Variants in CC2D2A observed in about 807,000 individuals in gnomAD.
The protein encoded by CC2D2A is coiled-coil and C2 domain containing 2A.
Under a neutral mutation model 212.9 loss-of-function variants are expected in CC2D2A, and 155 were observed. The ratio of observed to expected loss-of-function variants is 0.73; its 90% CI spans 0.64 to 0.83. The LOEUF is 0.83. CC2D2A is among the 40% of genes least tolerant of loss of function. The pLI, the probability that CC2D2A is intolerant of heterozygous loss-of-function variation, is 0.00. For missense variants in CC2D2A, 1,856 were observed against 1,956.2 expected (o/e 0.95, Z 0.97); for synonymous variants, 667 against 686.5 (o/e 0.97, Z 0.44).
chr4:15,502,234 A>G (rs1715993720), intron 4 of CC2D2A, among the ~76,000 whole-genome samples, 195 bp from the exon 5 acceptor site: 1 of 152,218 alleles, frequency 6.6e-6, no homozygotes, highest in African/African-American at 2.4e-5. Context: ...TACTACATCA[A>G]AAGGATGGTT....
Position 15,515,854 on chromosome 4 carries a change from T to G in CC2D2A, c.881-14T>G. On this transcript the variant is annotated splice_polypyrimidine_tract_variant and intron_variant, in intron 9 of 36. Transcript: ENST00000424120. ...GGCCCTAATGTTTATTTTATTTATTTATAAACGATCTAGTCCCTACATATA... is the reference window on the plus strand; with the variant it reads ...GGCCCTAATGTTTATTTTATTTATTGATAAACGATCTAGTCCCTACATATA... The G allele has an allele frequency of 6.5e-7, 1 of 1,548,080 alleles. No individual in the cohort carries two copies. The highest frequency in any genetic ancestry group is 1.2e-5 in the South Asian group (1 of 83,244).
At chr4:15,492,471 C>G (rs563064042) in intron 4 of CC2D2A, among the ~76,000 whole-genome samples, 2 of 152,082 alleles carry the variant, frequency 1.3e-5, no homozygotes, top group Admixed American at 1.3e-4. Context: ...TCTCACTCAA[C>G]TCAGAGTTAA....
intron 33 of CC2D2A, among the ~76,000 whole-genome samples, chr4:15,592,069 C>T (rs13142069): frequency 0.44 from 66,627 of 151,936 alleles, 14,699 homozygotes; most frequent in Middle Eastern, 0.53. Flanking sequence ...TACTCCACCA[C>T]ACAACTTCTT....
At chr4:15,514,955 A>G in intron 9 of CC2D2A, 86 bp downstream of exon 9, 1 of 1,187,266 alleles carries the variant, frequency 8.4e-7, no homozygotes, top group Non-Finnish European at 1.2e-6. Flanking sequence ...AGGATGCCTC[A>G]TCTCCAGAAC....
rs1299551025 is a variant in CC2D2A, at chr4:15,527,546, C to T, written c.1249C>T (p.His417Tyr). 3 of 1,613,358 alleles carry T rather than the reference C, an allele frequency of 1.9e-6. No homozygotes were observed. The highest frequency in any genetic ancestry group is 2.5e-6 in the Non-Finnish European group (3 of 1,179,526). ...TGATATTTCAGGGTTAATCTTCACT[C>T]ATCATCCCTGTTTTAGCCGAGAGCA... ...DIDISGLIFT[H>Y]HPCFSREHVL... The change falls in exon 12 of 37, where the codon CAT becomes TAT. Residue 417 changes from histidine (H) to tyrosine (Y), a missense_variant. His to Tyr is a moderately conservative substitution (Grantham distance 83, BLOSUM62 2). Transcript: ENST00000424120.
intron 31 of CC2D2A, 34 bp from the exon 32 acceptor site, chr4:15,587,782 G>C: frequency 8.9e-7 from 1 of 1,129,784 alleles, no homozygotes; most frequent in Non-Finnish European, 1.3e-6. Context: ...AAAGCATTGA[G>C]TCATACAACA....
chr4:15,490,055 C>T (rs763203841), intron 4 of CC2D2A, among the ~76,000 whole-genome samples: 52 of 152,304 alleles, frequency 3.4e-4, no homozygotes, highest in Non-Finnish European at 5.4e-4. Flanking sequence ...TTATCTCCAG[C>T]GTGGACTTCT....
chr4:15,576,307 G>T (rs1720402642), intron 29 of CC2D2A: 1 of 779,638 alleles, frequency 1.3e-6, no homozygotes, highest in Non-Finnish European at 1.6e-6. Flanking sequence ...GAAAGAGAAG[G>T]TCTCATCCTA....
chr4:15,500,107 G>GTGTGTGTGTGTGTATA (rs1479141284), intron 4 of CC2D2A, among the ~76,000 whole-genome samples: 2 of 112,932 alleles, frequency 1.8e-5, no homozygotes, highest in Non-Finnish European at 3.5e-5. Context: ...GTGTGTGTGT[G>GTGTGTGTGTGTGTATA]TATATATATA....
At chr4:15,491,629 T>G (rs1278388016) in intron 4 of CC2D2A, among the ~76,000 whole-genome samples, 2 of 152,232 alleles carry the variant, frequency 1.3e-5, no homozygotes, top group Non-Finnish European at 2.9e-5. Context: ...GATCTTGAAC[T>G]CCTGACCTCA....
In CC2D2A at chr4:15,560,485, G is replaced by A. The variant is rs766649717; in HGVS notation, c.2923-46G>A. 1.7e-5 allele frequency: 17 copies of A among 1,003,752 alleles called. No individual in the cohort carries two copies. The South Asian group carries it at 2.2e-4, about 13-fold the overall frequency. 62.2% of individuals were successfully genotyped at this position (1,003,752 alleles called of 1,614,324 possible). On this transcript the variant is annotated intron_variant, in intron 22 of 36. Coordinates refer to ENST00000424120, the MANE Select transcript of CC2D2A (RefSeq NM_001378615.1). ...ACTTAGAGTGTGGAGAGTGAACTAC[G>A]AAGTTTAAATAATAACATTTTAAAT...
chr4:15,601,424 A>C lies in CC2D2A; in HGVS notation c.4862A>C (p.Ter1621SerextTer17). ...IYVASLIRNR* is the reference protein window; with the variant it reads ...IYVASLIRNRS Reference sequence around the variant, plus strand: ...GTTGCCTCTCTTATACGCAACAGGTAATTTTTTTCACTGTACTTTCTGTAT... The same window carrying C: ...GTTGCCTCTCTTATACGCAACAGGTCATTTTTTTCACTGTACTTTCTGTAT... The change falls in exon 37 of 37, where the codon TAA becomes TCA. Residue 1621 changes from the stop codon to serine, a stop_lost. Transcript: ENST00000424120. The C allele has an allele frequency of 6.8e-7, 1 of 1,460,374 alleles. No homozygotes were observed. The highest frequency in any genetic ancestry group is 1.4e-5 in the African/African-American group (1 of 70,972). The allele number at this position is 1,460,374 out of a possible 1,614,324, so 90.5% of individuals were successfully genotyped here.
chr4:15,555,668 G>A (rs1238286329), intron 20 of CC2D2A, among the ~76,000 whole-genome samples: 3 of 152,206 alleles, frequency 2.0e-5, no homozygotes, highest in African/African-American at 7.2e-5. Context: ...GAGTCCACAA[G>A]GTTGAGGCTT....
intron 3 of CC2D2A, among the ~76,000 whole-genome samples, chr4:15,479,777 A>T (rs916877562): frequency 1.3e-5 from 2 of 152,316 alleles, no homozygotes; most frequent in Admixed American, 6.5e-5. Flanking sequence ...TGGAGGCAGT[A>T]GATGAAAAGG....
Position 15,515,992 on chromosome 4 carries a change from G to A in CC2D2A, c.1005G>A (p.Leu335=). 1.3e-6 allele frequency: 2 copies of A among 1,592,138 alleles called. No individual in the cohort carries two copies. The highest frequency in any genetic ancestry group is 1.7e-6 in the Non-Finnish European group (2 of 1,169,152). ...TNQNIMENRL[L]MQDPERRWFG... ...AGAACATCATGGAGAACAGATTGCTGATGCAGGACCCCGTAAGTGTGCACC... is the reference window on the plus strand; with the variant it reads ...AGAACATCATGGAGAACAGATTGCTAATGCAGGACCCCGTAAGTGTGCACC... Residue 335 remains leucine (L), a synonymous_variant, in exon 10 of 37, where the codon CTG becomes CTA. Transcript: ENST00000424120.
At position 15,567,735 on chromosome 4, in the gene CC2D2A, C is replaced by T. The variant is rs267606709; in HGVS notation, c.3347C>T (p.Thr1116Met). ...SFQRTVCHTT[T>M]AEGPNPSWNE... ...CAACGAACAGTTTGCCATACGACTA[C>T]GGCTGAAGGACCAAACCCTAGCTGG... Residue 1116 changes from threonine to methionine, a missense_variant, in exon 26 of 37, where the codon ACG (threonine) becomes ATG (methionine). Physicochemically the swap from Thr to Met is moderately conservative, Grantham distance 81. Coordinates refer to ENST00000424120, the MANE Select transcript of CC2D2A (RefSeq NM_001378615.1). The T allele has an allele frequency of 6.2e-5, 99 of 1,604,724 alleles. No individual in the cohort carries two copies. The highest frequency in any genetic ancestry group is 7.9e-5 in the Non-Finnish European group (93 of 1,177,590).
At position 15,601,492 on chromosome 4, in the gene CC2D2A, T is replaced by C. The variant is rs1721599503; in HGVS notation, c.*67T>C. ...TAGGATATGAGAAAATTTTAAATTATATGCATCACATCAGAAGAACATATT... is the reference window on the plus strand; with the variant it reads ...TAGGATATGAGAAAATTTTAAATTACATGCATCACATCAGAAGAACATATT... On this transcript the variant is annotated 3_prime_UTR_variant, in exon 37 of 37. Coordinates refer to ENST00000424120, the MANE Select transcript of CC2D2A (RefSeq NM_001378615.1). The C allele has an allele frequency of 2.1e-6, 2 of 935,916 alleles. No homozygotes were observed. The highest frequency in any genetic ancestry group is 1.5e-6 in the Non-Finnish European group (1 of 651,368). 58.0% of individuals were successfully genotyped at this position (935,916 alleles called of 1,614,324 possible).
chr4:15,580,095 T>G lies in CC2D2A; in HGVS notation c.3899T>G (p.Ile1300Ser), dbSNP rs774716045. ...GATATAAGCGGAAAAACTGTTTTTATCACACGTTATCTCAAACCTTTAAAC... is the reference window on the plus strand; with the variant it reads ...GATATAAGCGGAAAAACTGTTTTTAGCACACGTTATCTCAAACCTTTAAAC... Reference protein sequence around the residue: ...VIDISGKTVFITRYLKPLNPP... With the variant: ...VIDISGKTVFSTRYLKPLNPP... Residue 1300 changes from isoleucine (I) to serine (S), a missense_variant, in exon 30 of 37, where the codon ATC becomes AGC. Around this residue, in one of 5 missense-constraint regions of CC2D2A, gnomAD observed 1,512 missense variants for 1,579.3 expected, o/e 0.96. Coordinates refer to ENST00000424120, the MANE Select transcript of CC2D2A (RefSeq NM_001378615.1). 6.2e-7 allele frequency: 1 copy of G among 1,613,980 alleles called. No homozygotes were observed. Among genetic ancestry groups the G allele is most frequent in the South Asian group, 1.1e-5 (1 of 91,084 alleles).
chr4:15,563,031 C>T (rs1719691396), intron 23 of CC2D2A, among the ~76,000 whole-genome samples: 1 of 152,134 alleles, frequency 6.6e-6, no homozygotes, highest in Non-Finnish European at 1.5e-5. Flanking sequence ...GCAGGACTGG[C>T]CCAAGCAAAT....
Sources: gnomAD v4.1 joint callset for allele counts (sites outside exome capture counted in the v4.1 genomes callset) on GRCh38, gnomAD v4.1.1 for gene constraint, gnomAD v4.1.1 regional missense constraint, MANE v1.5 for transcripts, NCBI Gene and HGNC (gene_info 2026-07-23, HGNC 2026-07-21) for gene names.